Variants in IMMP2L observed in about 807,000 individuals in gnomAD.
IMMP2L encodes the protein mitochondrial inner membrane protease subunit 2.
A neutral mutation model predicts 19.3 loss-of-function variants in IMMP2L; 18 were observed. The ratio of observed to expected loss-of-function variants is 0.93; its 90% CI spans 0.64 to 1.38. IMMP2L has a LOEUF of 1.38. Ranked by LOEUF, IMMP2L falls within the 40% of genes most tolerant of loss-of-function variation. The pLI, the probability that IMMP2L is intolerant of heterozygous loss-of-function variation, is 0.00. For synonymous variants in IMMP2L, 76 were observed against 73.0 expected (o/e 1.04, Z -0.21); for missense variants, 233 against 218.2 (o/e 1.07, Z -0.43).
intron 3 of IMMP2L, among the ~76,000 whole-genome samples, chr7:111,044,975 T>G (rs938952267): frequency 6.6e-6 from 1 of 152,114 alleles, no homozygotes; most frequent in African/African-American, 2.4e-5. Flanking sequence ...AAAATAACTT[T>G]AAAATGAAAA....
intron 3 of IMMP2L, among the ~76,000 whole-genome samples, chr7:111,295,143 C>T (rs1821491747): frequency 6.6e-6 from 1 of 151,830 alleles, no homozygotes; most frequent in African/African-American, 2.4e-5. Context: ...TGACCTGTAA[C>T]AAGGTACTGA....
intron 4 of IMMP2L, among the ~76,000 whole-genome samples, chr7:110,888,380 A>G (rs1309180496): frequency 6.6e-6 from 1 of 152,204 alleles, no homozygotes; most frequent in Non-Finnish European, 1.5e-5. Context: ...TTGGCAAGGC[A>G]TACTCTCCAA....
intron 3 of IMMP2L, among the ~76,000 whole-genome samples, chr7:111,438,000 G>A (rs1837355478): frequency 6.6e-6 from 1 of 151,788 alleles, no homozygotes; most frequent in African/African-American, 2.4e-5. Flanking sequence ...AGGAAAAGCT[G>A]TTCCTCAACA....
At chr7:110,896,674 GTAT>G (rs1455809472) in intron 4 of IMMP2L, among the ~76,000 whole-genome samples, 1 of 151,800 alleles carries the variant, frequency 6.6e-6, no homozygotes, top group African/African-American at 2.4e-5. Context: ...CATATAATTG[GTAT>G]TATTGCATTT....
intron 5 of IMMP2L, among the ~76,000 whole-genome samples, chr7:110,797,914 C>CA (rs1800970828): frequency 6.6e-6 from 1 of 151,914 alleles, no homozygotes; most frequent in South Asian, 2.1e-4. Flanking sequence ...ATGGATCTTG[C>CA]ATTGTGCCCA....
At chr7:111,444,902 A>G (rs903208938) in intron 3 of IMMP2L, among the ~76,000 whole-genome samples, 1 of 152,100 alleles carries the variant, frequency 6.6e-6, no homozygotes, top group Non-Finnish European at 1.5e-5. Context: ...TCTATTGGAG[A>G]CATTACATTA....
chr7:110,719,912 T>C lies in IMMP2L; in HGVS notation c.409-56191A>G, dbSNP rs766997511. Among the ~76,000 whole-genome samples the C allele has an allele frequency of 8.0e-4, 122 of 152,302 alleles. 1 individual carries two copies. Among genetic ancestry groups the C allele is most frequent in the Non-Finnish European group, 1.5e-3 (101 of 68,020 alleles). The stretch of plus-strand genomic sequence containing the variant: ...CTGTACTTCTAGCCAAAATATCAAG[T>C]AAATCAAATTGGAGATGAAATATTT... On this transcript the variant is annotated intron_variant, in intron 5 of 5. Transcript: ENST00000405709.
intron 5 of IMMP2L, among the ~76,000 whole-genome samples, chr7:110,759,011 G>T (rs1243047014): frequency 2.0e-5 from 3 of 152,090 alleles, no homozygotes; most frequent in African/African-American, 7.2e-5. Flanking sequence ...AAGGTATTTA[G>T]TCTCTATGCC....
At chr7:110,922,750 C>T (rs1234876197) in intron 4 of IMMP2L, among the ~76,000 whole-genome samples, 5 of 152,038 alleles carry the variant, frequency 3.3e-5, no homozygotes, top group South Asian at 2.1e-4. Context: ...ATTCTGCAGC[C>T]ACCGATTGTA....
chr7:110,721,137 A>C (rs1395940995), intron 5 of IMMP2L, among the ~76,000 whole-genome samples: 1 of 152,018 alleles, frequency 6.6e-6, no homozygotes. Flanking sequence ...ATCATCACTG[A>C]GAGTAGCTTC....
At position 111,123,790 on chromosome 7, in the gene IMMP2L, A is replaced by T; in HGVS notation, c.240-160225T>A. On this transcript the variant is annotated intron_variant, in intron 3 of 5. Coordinates refer to ENST00000405709, the MANE Select transcript of IMMP2L (RefSeq NM_032549.4). This position sits in a 1 kb window ranked among gnomAD's most constrained non-coding sequence, Gnocchi z 6.4. ...CAGACTCCCCAAGCTGGAATCACTCATGCTGAACAGCAATGCTCTCAGTGC... is the reference window on the plus strand; with the variant it reads ...CAGACTCCCCAAGCTGGAATCACTCTTGCTGAACAGCAATGCTCTCAGTGC... 2 of 1,614,056 alleles carry T rather than the reference A, an allele frequency of 1.2e-6. No homozygotes were observed. Among genetic ancestry groups the T allele is most frequent in the East Asian group, 2.2e-5 (1 of 44,862 alleles).
At chr7:110,929,492 C>G (rs1563088291) in intron 4 of IMMP2L, among the ~76,000 whole-genome samples, 1 of 152,108 alleles carries the variant, frequency 6.6e-6, no homozygotes, top group African/African-American at 2.4e-5. Flanking sequence ...CTTTATAGTT[C>G]ATAAAGCACT....
At chr7:111,445,822 G>C (rs1838313848) in intron 3 of IMMP2L, among the ~76,000 whole-genome samples, 1 of 152,172 alleles carries the variant, frequency 6.6e-6, no homozygotes, top group Admixed American at 6.5e-5. Context: ...GGGAGTGCCA[G>C]ACAGTGGGCG....
At chr7:111,516,289 A>G (rs1585464206) in intron 2 of IMMP2L, among the ~76,000 whole-genome samples, 5 of 152,116 alleles carry the variant, frequency 3.3e-5, no homozygotes, top group African/African-American at 1.2e-4. Flanking sequence ...TATGCAACCT[A>G]CTTTCAGATG....
At chr7:111,214,328 C>CTTTTTTTTTTTTTTTT (rs1484229556) in intron 3 of IMMP2L, among the ~76,000 whole-genome samples, 3 of 85,110 alleles carry the variant, frequency 3.5e-5, no homozygotes, top group Non-Finnish European at 4.5e-5. Flanking sequence ...AGTAATTTTT[C>CTTTTTTTTTTTTTTTT]TTCTTTTTTT....
intron 3 of IMMP2L, among the ~76,000 whole-genome samples, chr7:111,368,765 A>T (rs1419135404): frequency 2.6e-5 from 4 of 151,944 alleles, no homozygotes; most frequent in African/African-American, 7.2e-5. Context: ...AAAATTATAT[A>T]ATCTTATTTA....
intron 4 of IMMP2L, among the ~76,000 whole-genome samples, chr7:110,951,640 T>C (rs1222440651): frequency 1.3e-5 from 2 of 151,906 alleles, no homozygotes; most frequent in African/African-American, 4.8e-5. Flanking sequence ...GAGATACAAA[T>C]ACATCAAACT....
At chr7:111,454,221 T>C (rs778608783) in intron 3 of IMMP2L, among the ~76,000 whole-genome samples, 25 of 152,088 alleles carry the variant, frequency 1.6e-4, no homozygotes, top group Admixed American at 2.6e-4. Flanking sequence ...AAGCCTCAAC[T>C]TGAAGGTCTC....
intron 3 of IMMP2L, among the ~76,000 whole-genome samples, chr7:111,288,874 T>C (rs1466947795): frequency 6.6e-6 from 1 of 152,088 alleles, no homozygotes; most frequent in East Asian, 1.9e-4. Flanking sequence ...TCCTCAAAGA[T>C]GTAGAACCAG....
Sources: allele counts gnomAD v4.1 joint callset (sites outside exome capture counted in the v4.1 genomes callset), GRCh38; gene constraint gnomAD v4.1.1; non-coding constraint Gnocchi (gnomAD v3.1); transcripts MANE v1.5; gene names NCBI Gene and HGNC (gene_info 2026-07-23, HGNC 2026-07-21).